The following ZNF84 variants were observed in gnomAD, a reference collection of about 807,000 sequenced individuals.
ZNF84 encodes zinc finger protein 84, also known as zinc finger protein HPF2.
In ZNF84, 12 loss-of-function variants were observed where a neutral mutation model predicts 14.8. That is an observed-to-expected ratio of 0.81 (90% CI 0.52 to 1.31). ZNF84 has a LOEUF of 1.31. Among genes scored for constraint, ZNF84 ranks in the 50% most tolerant of loss-of-function variants. The pLI is 0.00. For synonymous variants in ZNF84, 347 were observed against 291.1 expected (o/e 1.19, Z -1.96); for missense variants, 859 against 878.6 (o/e 0.98, Z 0.28).
chr12:133,047,770 G>A (rs1379448527), intron 2 of ZNF84, 185 bp from the exon 3 acceptor site: 1 of 555,742 alleles, frequency 1.8e-6, no homozygotes, highest in South Asian at 2.3e-5. Context: ...TAGGTTAACA[G>A]TTGTATAAAT....
At chr12:133,044,967 A>C (rs946048851) in intron 2 of ZNF84, among the ~76,000 whole-genome samples, 1 of 152,136 alleles carries the variant, frequency 6.6e-6, no homozygotes, top group Admixed American at 6.5e-5. Context: ...ATGTTGGCAT[A>C]AGTTTGTAAT....
At chr12:133,046,347 GTTTTTTTTTTTTTTTTTTTTTT>G (rs58214468) in intron 2 of ZNF84, among the ~76,000 whole-genome samples, 4,673 of 116,472 alleles carry the variant, frequency 0.04, 320 homozygotes, top group African/African-American at 0.16. Context: ...AGTCCTCACA[GTTTTTTTTTTTTTTTTTTTTTT>G]TTTTTTTTTT....
At position 133,041,322 on chromosome 12, in the gene ZNF84, A is replaced by G. The variant is rs1384326448; in HGVS notation, c.-146A>G. On this transcript the variant is annotated 5_prime_UTR_variant, in exon 2 of 5. The change creates a new upstream start codon in the 5' untranslated region. Transcript: ENST00000539354. ...ACAAATAAGCCTGCTCATGTGAGATAAGAAAGGAGTTCCTGGAACCAGGAA... is the reference window on the plus strand; with the variant it reads ...ACAAATAAGCCTGCTCATGTGAGATGAGAAAGGAGTTCCTGGAACCAGGAA... 5 of 764,802 alleles carry G rather than the reference A, an allele frequency of 6.5e-6. No individual in the cohort carries two copies. The highest frequency in any genetic ancestry group is 1.1e-5 in the Non-Finnish European group (5 of 445,926). 47.4% of individuals were successfully genotyped at this position (764,802 alleles called of 1,614,324 possible). A position where few individuals can be genotyped will look rare whatever the true frequency, so the allele number is the denominator to read the frequency against.
At position 133,057,775 on chromosome 12, in the gene ZNF84, A is replaced by G; in HGVS notation, c.1060A>G (p.Lys354Glu). The G allele has an allele frequency of 2.5e-6, 4 of 1,614,234 alleles. No homozygotes were observed. Among genetic ancestry groups the G allele is most frequent in the Non-Finnish European group, 8.5e-7 (1 of 1,180,046 alleles). Residue 354 changes from lysine (K) to glutamate (E), a missense_variant, in exon 5 of 5, where the codon AAA becomes GAA. By Grantham distance (56) the Lys-to-Glu change is moderately conservative. Coordinates refer to ENST00000539354, the MANE Select transcript of ZNF84 (RefSeq NM_001289971.2). ...GCCTTTTGAATGCAGGGAATGTGGG[A>G]AAGCCTTCAGCAGGAAGTCACAACT... ...EKPFECRECG[K>E]AFSRKSQLVT...
Position 133,059,247 on chromosome 12 carries a change from G to T in ZNF84, c.*315G>T. 1 of 396,554 alleles carries T rather than the reference G, an allele frequency of 2.5e-6. No individual in the cohort carries two copies. Among genetic ancestry groups the T allele is most frequent in the Non-Finnish European group, 4.5e-6 (1 of 224,086 alleles). 24.6% of individuals were successfully genotyped at this position (396,554 alleles called of 1,614,324 possible). ...TTAAGCTATTAGAAATATTCCCACT[G>T]GGGATGAGGGAAAACCCCATGAATG... On this transcript the variant is annotated 3_prime_UTR_variant, in exon 5 of 5. Transcript: ENST00000539354.
intron 4 of ZNF84, among the ~76,000 whole-genome samples, chr12:133,053,883 C>T (rs1344984448): frequency 6.6e-6 from 1 of 152,270 alleles, no homozygotes; most frequent in East Asian, 1.9e-4. Flanking sequence ...GATTCTTTTT[C>T]CCTTTATTTT....
intron 2 of ZNF84, among the ~76,000 whole-genome samples, chr12:133,044,043 C>T (rs1296718482): frequency 2.6e-5 from 4 of 152,050 alleles, no homozygotes; most frequent in Admixed American, 2.0e-4. Context: ...TGAGCCACCA[C>T]GCCTGGCCAG....
chr12:133,056,979 G>A lies in ZNF84; in HGVS notation c.264G>A (p.Met88Ile), dbSNP rs1469230430. ...SPEVWKVDGN[M>I]MWHQDNQDKL... The stretch of plus-strand genomic sequence containing the variant: ...AAGTCTGGAAAGTAGATGGTAACAT[G>A]ATGTGGCACCAGGATAACCAAGACA... Residue 88 changes from methionine (M) to isoleucine (I), a missense_variant, in exon 5 of 5, where the codon ATG (methionine) becomes ATA (isoleucine). By Grantham distance (10) the Met-to-Ile change is conservative (BLOSUM62 1). Coordinates refer to ENST00000539354, the MANE Select transcript of ZNF84 (RefSeq NM_001289971.2). 6.3e-7 allele frequency: 1 copy of A among 1,590,640 alleles called. No homozygotes were observed. The highest frequency in any genetic ancestry group is 8.5e-7 in the Non-Finnish European group (1 of 1,172,346).
chr12:133,053,533 A>G (rs919854409), intron 4 of ZNF84, among the ~76,000 whole-genome samples: 5 of 152,162 alleles, frequency 3.3e-5, no homozygotes, highest in Admixed American at 6.5e-5. Flanking sequence ...TGAGCCTAGG[A>G]CTTTGAAACC....
intron 4 of ZNF84, among the ~76,000 whole-genome samples, chr12:133,052,022 A>G (rs1954077973): frequency 6.6e-6 from 1 of 152,210 alleles, no homozygotes; most frequent in Non-Finnish European, 1.5e-5. Context: ...CTGGAGGACA[A>G]AAAAAGAACA....
At position 133,058,996 on chromosome 12, in the gene ZNF84, CGT is replaced by C; in HGVS notation, c.*65_*66del. 6.9e-7 allele frequency: 1 copy of C among 1,451,236 alleles called. No individual in the cohort carries two copies. Among genetic ancestry groups the C allele is most frequent in the Non-Finnish European group, 9.2e-7 (1 of 1,082,884 alleles). The allele number at this position is 1,451,236 out of a possible 1,614,324, so 89.9% of individuals were successfully genotyped here. On this transcript the variant is annotated 3_prime_UTR_variant, in exon 5 of 5. Transcript: ENST00000539354. ...ACTTCAGGAAATGCAATTATGATAA[CGT>C]TTGTAGACAGTCACGTCATGTTAGG...
At chr12:133,042,911 A>G (rs1209037380) in intron 2 of ZNF84, among the ~76,000 whole-genome samples, 1 of 152,192 alleles carries the variant, frequency 6.6e-6, no homozygotes, top group Non-Finnish European at 1.5e-5. Flanking sequence ...GAGTCCCTTC[A>G]TGTGCCCTCT....
At chr12:133,044,314 TA>T (rs1264994453) in intron 2 of ZNF84, among the ~76,000 whole-genome samples, 15 of 76,936 alleles carry the variant, frequency 1.9e-4, no homozygotes, top group African/African-American at 6.1e-4. Context: ...ACAGCTAGTT[TA>T]AATTTTTTTT....
chr12:133,050,624 T>C (rs1399011812), intron 4 of ZNF84: 2 of 398,432 alleles, frequency 5.0e-6, no homozygotes, highest in Non-Finnish European at 8.8e-6. Flanking sequence ...TGTTTTTAGA[T>C]ATGTAACATC....
intron 4 of ZNF84, among the ~76,000 whole-genome samples, chr12:133,054,622 C>CT (rs137958416): frequency 0.91 from 129,807 of 143,326 alleles, 58,963 homozygotes; most frequent in East Asian, 0.99. Flanking sequence ...AGTGGCTTTC[C>CT]TTTTTTTTTT....
chr12:133,053,829 T>C (rs1211960546), intron 4 of ZNF84, among the ~76,000 whole-genome samples: 1 of 152,168 alleles, frequency 6.6e-6, no homozygotes, highest in African/African-American at 2.4e-5. Context: ...ATAAACACCA[T>C]AATCTACCAA....
intron 4 of ZNF84, among the ~76,000 whole-genome samples, chr12:133,056,128 A>C (rs1954153191): frequency 6.6e-6 from 1 of 151,922 alleles, no homozygotes. Flanking sequence ...GAAATGACTA[A>C]TCATTCTTTC....
At position 133,063,272 on chromosome 12, in the gene ZNF84, A is replaced by G; in HGVS notation, c.*4340A>G. 2 of 701,908 alleles carry G rather than the reference A, an allele frequency of 2.8e-6. No homozygotes were observed. The allele number at this position is 701,908 out of a possible 1,614,324, so 43.5% of individuals were successfully genotyped here. ...AATTCTTCTGTGAGATACTCCAAATATCCTAATAAATTCTCATGTTTGCTT... is the reference window on the plus strand; with the variant it reads ...AATTCTTCTGTGAGATACTCCAAATGTCCTAATAAATTCTCATGTTTGCTT... On this transcript the variant is annotated 3_prime_UTR_variant, in exon 5 of 5. Coordinates refer to ENST00000539354, the MANE Select transcript of ZNF84 (RefSeq NM_001289971.2).
In ZNF84 at chr12:133,048,997, G is replaced by A; in HGVS notation, c.238+149G>A. ...TGGGCTGGTCATTGATGGGTTGGCT[G>A]GTCAGTGATGGGTTGGCATCTTTGA... On this transcript the variant is annotated intron_variant, in intron 4 of 4. Transcript: ENST00000539354. 5.0e-6 allele frequency: 3 copies of A among 599,694 alleles called. No homozygotes were observed. The East Asian group carries it at 8.5e-5, about 17-fold the overall frequency. The allele number at this position is 599,694 out of a possible 1,614,324, so 37.1% of individuals were successfully genotyped here. A position where few individuals can be genotyped will look rare whatever the true frequency, so the allele number is the denominator to read the frequency against.
Sources: allele counts gnomAD v4.1 joint callset (sites outside exome capture counted in the v4.1 genomes callset), GRCh38; gene constraint gnomAD v4.1.1; transcripts MANE v1.5; gene names NCBI Gene and HGNC (gene_info 2026-07-23, HGNC 2026-07-21).